The following PSD variants were observed in gnomAD, a reference collection of about 807,000 sequenced individuals.
PSD encodes the protein pleckstrin and Sec7 domain containing.
Under a neutral mutation model 91.6 loss-of-function variants are expected in PSD, and 32 were observed. The ratio of observed to expected loss-of-function variants is 0.35; its 90% CI spans 0.26 to 0.47. The LOEUF (loss-of-function observed/expected upper bound fraction) is 0.47. Ranked by LOEUF, PSD falls within the 20% of genes least tolerant of loss-of-function variation. The probability of loss-of-function intolerance (pLI) is 1.00; values close to 1 mark genes in which losing one functional copy is unlikely to be tolerated. For missense variants in PSD, 1,099 were observed against 1,373.9 expected (o/e 0.80, Z 3.16); for synonymous variants, 532 against 569.3 (o/e 0.93, Z 0.93).
intron 3 of PSD, among the ~76,000 whole-genome samples, chr10:102,415,674 C>T (rs1044214732): frequency 1.3e-5 from 2 of 152,192 alleles, no homozygotes; most frequent in Non-Finnish European, 2.9e-5. Flanking sequence ...GTTGTCCAGG[C>T]TGGTCTTGGA....
chr10:102,407,960 ACT>A (rs2061380899), intron 10 of PSD, among the ~76,000 whole-genome samples: 1 of 151,864 alleles, frequency 6.6e-6, no homozygotes. Context: ...CATAGCCCAA[ACT>A]CTGTGCGATG....
In PSD at chr10:102,416,567, G is replaced by C; in HGVS notation, c.472C>G (p.Pro158Ala). The change falls in exon 2 of 17, where the codon CCA becomes GCA. Residue 158 changes from proline (P) to alanine (A), a missense_variant. Around this residue, in one of 3 missense-constraint regions of PSD, gnomAD observed 631 missense variants for 728.8 expected, o/e 0.87. Coordinates refer to ENST00000020673, the MANE Select transcript of PSD (RefSeq NM_002779.5). The surrounding 1 kb of genome is among the most constrained non-coding windows in gnomAD (Gnocchi z 6.0). ...KLRLEASTSDPLPARGGSALP... is the reference protein window; with the variant it reads ...KLRLEASTSDALPARGGSALP... ...GCCGAGCCTCCTCTGGCGGGGAGTGGGTCTGATGTGGATGCTTCCAGCCGT... is the reference window on the plus strand; with the variant it reads ...GCCGAGCCTCCTCTGGCGGGGAGTGCGTCTGATGTGGATGCTTCCAGCCGT... The C allele has an allele frequency of 6.2e-7, 1 of 1,600,724 alleles. No homozygotes were observed. Among genetic ancestry groups the C allele is most frequent in the African/African-American group, 1.3e-5 (1 of 74,674 alleles).
chr10:102,404,799 G>A lies in PSD; in HGVS notation c.2556-72C>T. The A allele has an allele frequency of 6.4e-7, 1 of 1,566,622 alleles. No homozygotes were observed. The highest frequency in any genetic ancestry group is 8.7e-7 in the Non-Finnish European group (1 of 1,154,514). The stretch of plus-strand genomic sequence containing the variant: ...TCCCAGGATGCCAGTCCTGGCTCAA[G>A]TGTGGCCTGAGAAGGAATGAAAAAA... On this transcript the variant is annotated intron_variant, in intron 14 of 16. Transcript: ENST00000020673. The surrounding 1 kb of genome is among the most constrained non-coding windows in gnomAD (Gnocchi z 5.7).
rs1342318434 is a variant in PSD at position 102,410,368 on chromosome 10, C to T, written c.2091+490G>A. Among the ~76,000 whole-genome samples, 2 of 152,260 alleles carry T rather than the reference C, an allele frequency of 1.3e-5. No individual in the cohort carries two copies. The highest frequency in any genetic ancestry group is 2.1e-4 in the South Asian group (1 of 4,836). On this transcript the variant is annotated intron_variant, in intron 10 of 16. Transcript: ENST00000020673. This position sits in a 1 kb window ranked among gnomAD's most constrained non-coding sequence, Gnocchi z 6.0. ...GCTCCAGCTTTGCGCTAACTCGCTG[C>T]CAGACCTTGGAAAAGCTTAGTCCCT...
At chr10:102,408,868 C>G (rs1354088914) in intron 10 of PSD, 1 of 986,266 alleles carries the variant, frequency 1.0e-6, no homozygotes. Context: ...CGCAACCTGG[C>G]GTGGGCCGCG....
rs762177966 is a variant in PSD, at chr10:102,404,014, G to C, written c.2701-29C>G. On this transcript the variant is annotated intron_variant, in intron 15 of 16. Coordinates refer to ENST00000020673, the MANE Select transcript of PSD (RefSeq NM_002779.5). The surrounding 1 kb of genome is among the most constrained non-coding windows in gnomAD (Gnocchi z 5.7). ...GCGGCCAGGGGGAGGCATGGTCATG[G>C]TCACTCTGCCCTATACAGTGCCTCT... 6.5e-7 allele frequency: 1 copy of C among 1,536,190 alleles called. No individual in the cohort carries two copies. Among genetic ancestry groups the C allele is most frequent in the South Asian group, 1.2e-5 (1 of 83,780 alleles).
chr10:102,405,737 A>G lies in PSD; in HGVS notation c.2136-201T>C. On this transcript the variant is annotated intron_variant, in intron 11 of 16. Coordinates refer to ENST00000020673, the MANE Select transcript of PSD (RefSeq NM_002779.5). The surrounding 1 kb of genome is among the most constrained non-coding windows in gnomAD (Gnocchi z 5.4). ...CTCCTCAGAGCAGGGCACCTCCCTCAGAGCTCCCCAGCCTAGAGCCACCAC... is the reference window on the plus strand; with the variant it reads ...CTCCTCAGAGCAGGGCACCTCCCTCGGAGCTCCCCAGCCTAGAGCCACCAC... 1.7e-6 allele frequency: 1 copy of G among 587,496 alleles called. No individual in the cohort carries two copies. The highest frequency in any genetic ancestry group is 3.0e-6 in the Non-Finnish European group (1 of 330,918). 36.4% of individuals were successfully genotyped at this position (587,496 alleles called of 1,614,324 possible).
chr10:102,413,250 G>A (rs1223455680), intron 5 of PSD, among the ~76,000 whole-genome samples: 1 of 152,194 alleles, frequency 6.6e-6, no homozygotes, highest in Non-Finnish European at 1.5e-5. Flanking sequence ...ACCCCCTCCT[G>A]TTGCCATGGC....
chr10:102,415,110 G>A lies in PSD; in HGVS notation c.877C>T (p.Leu293=). The A allele has an allele frequency of 1.2e-6, 2 of 1,613,906 alleles. No individual in the cohort carries two copies. The highest frequency in any genetic ancestry group is 8.5e-7 in the Non-Finnish European group (1 of 1,180,036). Residue 293 remains leucine (L), a synonymous_variant, in exon 4 of 17, where the codon CTG becomes TTG. Coordinates refer to ENST00000020673, the MANE Select transcript of PSD (RefSeq NM_002779.5). ...ATGTCAGTCTCGCGGTAGCACCTCA[G>A]GGGCACCGTGTCCAGGTCTGTCTCG... The part of the protein sequence containing the change: ...YSETDLDTVP[L]RCYRETDIDE...
At position 102,405,627 on chromosome 10, in the gene PSD, C is replaced by A; in HGVS notation, c.2136-91G>T. On this transcript the variant is annotated intron_variant, in intron 11 of 16. Coordinates refer to ENST00000020673, the MANE Select transcript of PSD (RefSeq NM_002779.5). This position sits in a 1 kb window ranked among gnomAD's most constrained non-coding sequence, Gnocchi z 5.4. ...TCTGCTCGCCCTGGAAAAGCTCCCC[C>A]AGTGTTTGTGGCTTGGGGGGCTCAA... The A allele has an allele frequency of 7.7e-7, 1 of 1,298,858 alleles. No homozygotes were observed. The highest frequency in any genetic ancestry group is 1.0e-6 in the Non-Finnish European group (1 of 956,374). The allele number at this position is 1,298,858 out of a possible 1,614,324, so 80.5% of individuals were successfully genotyped here. A position where few individuals can be genotyped will look rare whatever the true frequency, so the allele number is the denominator to read the frequency against.
chr10:102,415,113 G>C lies in PSD; in HGVS notation c.874C>G (p.Pro292Ala). The part of the protein sequence containing the change: ...KYSETDLDTV[P>A]LRCYRETDID... ...TCAGTCTCGCGGTAGCACCTCAGGG[G>C]CACCGTGTCCAGGTCTGTCTCGGAG... The change falls in exon 4 of 17, where the codon CCC becomes GCC. Residue 292 changes from proline (P) to alanine (A), a missense_variant. Transcript: ENST00000020673. The C allele has an allele frequency of 6.2e-7, 1 of 1,613,862 alleles. No individual in the cohort carries two copies. The highest frequency in any genetic ancestry group is 1.1e-5 in the South Asian group (1 of 91,074).
Position 102,405,852 on chromosome 10 carries a change from C to T in PSD, c.2136-316G>A. On this transcript the variant is annotated intron_variant, in intron 11 of 16. Coordinates refer to ENST00000020673, the MANE Select transcript of PSD (RefSeq NM_002779.5). This position sits in a 1 kb window ranked among gnomAD's most constrained non-coding sequence, Gnocchi z 5.4. ...CACACCCTTCTCCACCAGGACAGCC[C>T]CGGGCCTGCCTCCGCTGGCTCAACC... is the stretch of plus-strand genomic sequence containing the variant. 3.4e-6 allele frequency: 1 copy of T among 293,388 alleles called. No individual in the cohort carries two copies. Among genetic ancestry groups the T allele is most frequent in the Non-Finnish European group, 6.4e-6 (1 of 155,792 alleles). The allele number at this position is 293,388 out of a possible 1,614,324, so 18.2% of individuals were successfully genotyped here. A position where few individuals can be genotyped will look rare whatever the true frequency, so the allele number is the denominator to read the frequency against.
At chr10:102,408,887 G>T (rs769484952) in intron 10 of PSD, 1 of 985,498 alleles carries the variant, frequency 1.0e-6, no homozygotes, top group Non-Finnish European at 1.2e-6. Flanking sequence ...CGGCCCCAAC[G>T]CCCTCACCGC....
Position 102,414,029 on chromosome 10 carries a change from T to C in PSD, c.1293A>G (p.Ser431=). Residue 431 remains serine (S), a synonymous_variant, in exon 5 of 17, where the codon TCA becomes TCG. Transcript: ENST00000020673. This position sits in a 1 kb window ranked among gnomAD's most constrained non-coding sequence, Gnocchi z 5.6. The part of the protein sequence containing the change: ...TSLASLEALA[S]PGPTQSPFFT... ...AGAAGGGGCTCTGGGTTGGGCCAGG[T>C]GAGGCCAAGGCCTCCAGCGAGGCGA... is the stretch of plus-strand genomic sequence containing the variant. 6.2e-7 allele frequency: 1 copy of C among 1,614,014 alleles called. No individual in the cohort carries two copies. The highest frequency in any genetic ancestry group is 8.5e-7 in the Non-Finnish European group (1 of 1,179,884).
chr10:102,416,382 T>C lies in PSD; in HGVS notation c.654+3A>G, dbSNP rs1360744748. On this transcript the variant is annotated splice_donor_region_variant and intron_variant, in intron 2 of 16. Transcript: ENST00000020673. The surrounding 1 kb of genome is among the most constrained non-coding windows in gnomAD (Gnocchi z 6.0). ...CCCAGGGAGCCCAGGGGAAGTTGCATACCTGGTTCAGGAATCCAGTGTCAG... is the reference window on the plus strand; with the variant it reads ...CCCAGGGAGCCCAGGGGAAGTTGCACACCTGGTTCAGGAATCCAGTGTCAG... 6.3e-7 allele frequency: 1 copy of C among 1,594,582 alleles called. No individual in the cohort carries two copies. Among genetic ancestry groups the C allele is most frequent in the Admixed American group, 1.8e-5 (1 of 55,558 alleles).
In PSD at chr10:102,409,117, C is replaced by T. The variant is rs979621809; in HGVS notation, c.2091+1741G>A. On this transcript the variant is annotated intron_variant, in intron 10 of 16. Coordinates refer to ENST00000020673, the MANE Select transcript of PSD (RefSeq NM_002779.5). This position sits in a 1 kb window ranked among gnomAD's most constrained non-coding sequence, Gnocchi z 5.7. ...TGCTGGCCCGGCCGGCGCGCCGCGG[C>T]CCCCGGCCATGCCCCCGTCCGCCCT... is the stretch of plus-strand genomic sequence containing the variant. 4.8e-5 allele frequency: 47 copies of T among 982,070 alleles called. No individual in the cohort carries two copies. Among genetic ancestry groups the T allele is most frequent in the Non-Finnish European group, 5.1e-5 (42 of 828,838 alleles). The allele number at this position is 982,070 out of a possible 1,614,324, so 60.8% of individuals were successfully genotyped here.
rs1015034436 is a variant in PSD, at chr10:102,417,010, G to A, written c.29C>T (p.Ser10Leu). ...TGGGGAGATGGCACAGTCGCCTTCC[G>A]AGCAGAAGCGCATGGCACCCTGGGC... MAQGAMRFC[S>L]EGDCAISPPR... Residue 10 changes from serine to leucine, a missense_variant, in exon 2 of 17, where the codon TCG (serine) becomes TTG (leucine). Around this residue, in one of 3 missense-constraint regions of PSD, gnomAD observed 631 missense variants for 728.8 expected, o/e 0.87. Coordinates refer to ENST00000020673, the MANE Select transcript of PSD (RefSeq NM_002779.5). 5.1e-6 allele frequency: 8 copies of A among 1,584,036 alleles called. No homozygotes were observed. Among genetic ancestry groups the A allele is most frequent in the African/African-American group, 1.3e-5 (1 of 74,340 alleles).
At position 102,403,931 on chromosome 10, in the gene PSD, G is replaced by A. The variant is rs750946720; in HGVS notation, c.2755C>T (p.Arg919Trp). The A allele has an allele frequency of 5.0e-6, 8 of 1,588,294 alleles. No homozygotes were observed. In the South Asian group the frequency reaches 5.7e-5, roughly 11 times the overall value. Residue 919 changes from arginine (R) to tryptophan (W), a missense_variant, in exon 16 of 17, where the codon CGG (arginine) becomes TGG (tryptophan). Physicochemically the swap from Arg to Trp is moderately radical, Grantham distance 101. Around this residue, in one of 3 missense-constraint regions of PSD, gnomAD observed 358 missense variants for 426.5 expected, o/e 0.84. Transcript: ENST00000020673. The surrounding 1 kb of genome is among the most constrained non-coding windows in gnomAD (Gnocchi z 6.7). ...AKLKAMASEL[R>W]EHRAAQLGKK... The stretch of plus-strand genomic sequence containing the variant: ...CCCAGCTGGGCGGCCCGGTGCTCCC[G>A]CAGCTCACTTGCCATGGCCTTCAGC...
Position 102,409,344 on chromosome 10 carries a change from C to A in PSD, c.2091+1514G>T. On this transcript the variant is annotated intron_variant, in intron 10 of 16. Coordinates refer to ENST00000020673, the MANE Select transcript of PSD (RefSeq NM_002779.5). This position sits in a 1 kb window ranked among gnomAD's most constrained non-coding sequence, Gnocchi z 5.7. ...GAGGGCGAGGGCTGGGGGCGGGGAC[C>A]GCATGAAATGGAGGCGCCCGATCGC... is the stretch of plus-strand genomic sequence containing the variant. 3.0e-6 allele frequency: 3 copies of A among 985,258 alleles called. No homozygotes were observed. Among genetic ancestry groups the A allele is most frequent in the Non-Finnish European group, 3.6e-6 (3 of 829,732 alleles). The allele number at this position is 985,258 out of a possible 1,614,324, so 61.0% of individuals were successfully genotyped here.
Sources: allele counts gnomAD v4.1 joint callset (sites outside exome capture counted in the v4.1 genomes callset), GRCh38; gene constraint gnomAD v4.1.1; regional missense constraint gnomAD v4.1.1; non-coding constraint Gnocchi (gnomAD v3.1); transcripts MANE v1.5; gene names NCBI Gene and HGNC (gene_info 2026-07-23, HGNC 2026-07-21).